ATP10B: variants seen among roughly 807,000 people sequenced by gnomAD.
ATP10B encodes phospholipid-transporting ATPase VB.
ATP10B carries 122 observed loss-of-function variants against 141.2 expected under a neutral mutation model. That is an observed-to-expected ratio of 0.86 (90% CI 0.75 to 1.00). The LOEUF is 1.00. ATP10B is among the 50% of genes least tolerant of loss of function. The pLI is 0.00. For missense variants in ATP10B, 1,876 were observed against 1,825.3 expected (o/e 1.03, Z -0.51); for synonymous variants, 685 against 692.0 (o/e 0.99, Z 0.16).
At chr5:160,924,186 G>A in the ATP10B span, among the ~76,000 whole-genome samples, 1 of 152,218 alleles carries the variant, frequency 6.6e-6, no homozygotes, top group Non-Finnish European at 1.5e-5. Context: ...AATCTGTAAT[G>A]TGTTATCAAA....
intron 21 of ATP10B, among the ~76,000 whole-genome samples, chr5:160,602,214 A>G (rs2127625814): frequency 6.6e-6 from 1 of 152,328 alleles, no homozygotes; most frequent in South Asian, 2.1e-4. Context: ...GAAAGGTACT[A>G]TTACCACCCA....
In ATP10B at chr5:160,670,608, TG is replaced by T. The variant is rs1762625826; in HGVS notation, c.529del (p.Gln177LysfsTer2). ...WKDVRVGDFI[Q>X]MKCNEIVPAD... ...TGGGACAATCTCATTGCATTTCATT[TG>T]GATGAAGTCTCCCACGCGCACATCC... On this transcript the variant is annotated frameshift_variant, in exon 7 of 26. Coordinates refer to ENST00000327245, the MANE Select transcript of ATP10B (RefSeq NM_025153.3). LOFTEE classifies it high-confidence loss of function. The T allele has an allele frequency of 6.2e-7, 1 of 1,613,912 alleles. No homozygotes were observed. The highest frequency in any genetic ancestry group is 2.2e-5 in the East Asian group (1 of 44,866).
At chr5:160,567,978 A>T (rs913401247) in intron 25 of ATP10B, among the ~76,000 whole-genome samples, 3 of 152,208 alleles carry the variant, frequency 2.0e-5, no homozygotes, top group Non-Finnish European at 4.4e-5. Context: ...AACTGTCAGT[A>T]CTTGGTGAAA....
chr5:160,609,044 C>T (rs1757562520), intron 18 of ATP10B, among the ~76,000 whole-genome samples: 1 of 152,100 alleles, frequency 6.6e-6, no homozygotes, highest in South Asian at 2.1e-4. Flanking sequence ...AGGTTTTCTT[C>T]TAGGGTTTTT....
At chr5:160,928,726 T>C in the ATP10B span, among the ~76,000 whole-genome samples, 21,277 of 152,116 alleles carry the variant, frequency 0.14, 1,864 homozygotes, top group African/African-American at 0.23. Context: ...TCTCTCCCTC[T>C]CTTCCCCACA....
intron 24 of ATP10B, among the ~76,000 whole-genome samples, chr5:160,586,248 G>A (rs965655263): frequency 6.6e-6 from 1 of 152,160 alleles, no homozygotes; most frequent in African/African-American, 2.4e-5. Context: ...CTGTTCCTGT[G>A]TTAGTTTGCT....
intron 7 of ATP10B, among the ~76,000 whole-genome samples, chr5:160,662,405 G>T (rs1485194292): frequency 6.6e-6 from 1 of 152,002 alleles, no homozygotes; most frequent in East Asian, 1.9e-4. Flanking sequence ...ATACTACAAG[G>T]CTACAGTAAC....
At chr5:160,919,041 C>T in the ATP10B span, among the ~76,000 whole-genome samples, 5 of 150,090 alleles carry the variant, frequency 3.3e-5, no homozygotes, top group Admixed American at 2.7e-4. Context: ...CTGGCTAACA[C>T]GGTGAAACCC....
intron 6 of ATP10B, among the ~76,000 whole-genome samples, chr5:160,677,897 T>C (rs1191590590): frequency 1.3e-5 from 2 of 152,188 alleles, no homozygotes; most frequent in East Asian, 3.9e-4. Flanking sequence ...AGAGGAAATA[T>C]TAGTACCAAA....
chr5:160,635,526 T>C (rs1759301088), intron 11 of ATP10B, among the ~76,000 whole-genome samples: 1 of 152,146 alleles, frequency 6.6e-6, no homozygotes, highest in Admixed American at 6.5e-5. Context: ...CTCTGCAAGA[T>C]GAATGGAAAA....
chr5:160,815,732 C>A (rs1225104770), intron 1 of ATP10B, among the ~76,000 whole-genome samples: 1 of 152,158 alleles, frequency 6.6e-6, no homozygotes. Context: ...CCACACAATA[C>A]CTATACCAAA....
At chr5:160,920,930 GTTTGGTGCTAGTCTTT>G in the ATP10B span, among the ~76,000 whole-genome samples, 25 of 152,296 alleles carry the variant, frequency 1.6e-4, no homozygotes, top group East Asian at 4.2e-3. Context: ...TACAGTCTCA[GTTTGGTGCTAGTCTTT>G]TTTCTCTCTT....
the ATP10B span, among the ~76,000 whole-genome samples, chr5:160,867,735 T>C: frequency 6.6e-6 from 1 of 152,172 alleles, no homozygotes; most frequent in African/African-American, 2.4e-5. Context: ...TTTAGTATAA[T>C]AGATGTGAAT....
At chr5:160,584,144 T>C (rs1755734631) in intron 24 of ATP10B, among the ~76,000 whole-genome samples, 1 of 152,142 alleles carries the variant, frequency 6.6e-6, no homozygotes, top group Non-Finnish European at 1.5e-5. Context: ...GCTTTGTGAT[T>C]GAAACCCAGG....
chr5:160,823,516 C>G (rs541692293), intron 1 of ATP10B, among the ~76,000 whole-genome samples: 6 of 152,084 alleles, frequency 3.9e-5, no homozygotes, highest in African/African-American at 7.2e-5. Context: ...CAAACTTGCA[C>G]GTGCTTAAAT....
chr5:160,759,297 A>C (rs1488285261), intron 2 of ATP10B, among the ~76,000 whole-genome samples: 2 of 152,120 alleles, frequency 1.3e-5, no homozygotes, highest in Non-Finnish European at 1.5e-5. Context: ...CTAGATTATA[A>C]TTTTTTCAAA....
At chr5:160,850,156 C>G (rs1236838691) in intron 1 of ATP10B, among the ~76,000 whole-genome samples, 2 of 152,214 alleles carry the variant, frequency 1.3e-5, no homozygotes, top group East Asian at 3.9e-4. Context: ...CGCTTGTAAT[C>G]CCAGCACTTT....
the ATP10B span, among the ~76,000 whole-genome samples, chr5:160,895,089 A>G: frequency 1.3e-4 from 20 of 152,358 alleles, no homozygotes; most frequent in Non-Finnish European, 2.5e-4. Flanking sequence ...GGTACCAGCC[A>G]CTACAAAAAT....
At chr5:160,887,163 A>G in the ATP10B span, among the ~76,000 whole-genome samples, 1 of 152,200 alleles carries the variant, frequency 6.6e-6, no homozygotes, top group African/African-American at 2.4e-5. Context: ...TCTGTGGAGG[A>G]TTGGTCCTAG....
Sources: allele counts gnomAD v4.1 joint callset (sites outside exome capture counted in the v4.1 genomes callset), GRCh38; gene constraint gnomAD v4.1.1; transcripts MANE v1.5; gene names NCBI Gene and HGNC (gene_info 2026-07-23, HGNC 2026-07-21).